Variants in SHQ1 observed in about 807,000 individuals in gnomAD.
SHQ1 encodes SHQ1, H/ACA ribonucleoprotein assembly factor, also known as protein SHQ1 homolog.
A neutral mutation model predicts 53.8 loss-of-function variants in SHQ1; 49 were observed. That is an observed-to-expected ratio of 0.91 (90% CI 0.72 to 1.16). The LOEUF is 1.16. Ranked by LOEUF, SHQ1 falls within the 50% of genes most tolerant of loss-of-function variation. The probability of loss-of-function intolerance (pLI) is 0.00; values close to 1 mark genes in which losing one functional copy is unlikely to be tolerated. For synonymous variants in SHQ1, 243 were observed against 251.0 expected, an observed-to-expected ratio of 0.97 and a Z score of 0.30; for missense variants, 738 against 683.1, an observed-to-expected ratio of 1.08 and a Z score of -0.90.
intron 10 of SHQ1, among the ~76,000 whole-genome samples, chr3:72,776,397 G>C (rs1433791023): frequency 6.6e-6 from 1 of 152,130 alleles, no homozygotes; most frequent in African/African-American, 2.4e-5. Context: ...GTACAGGTTT[G>C]TAGCCTAGAA....
intron 4 of SHQ1, among the ~76,000 whole-genome samples, chr3:72,836,185 T>C (rs904679458): frequency 6.6e-6 from 1 of 152,214 alleles, no homozygotes; most frequent in Non-Finnish European, 1.5e-5. Flanking sequence ...GAAGGAGAAC[T>C]GACCAATAAG....
At chr3:72,767,171 A>G (rs1214442524) in intron 10 of SHQ1, among the ~76,000 whole-genome samples, 1 of 152,144 alleles carries the variant, frequency 6.6e-6, no homozygotes, top group African/African-American at 2.4e-5. Flanking sequence ...TTGCTTTCAT[A>G]TGTACGAACC....
In SHQ1 at chr3:72,799,676, T is replaced by A. The variant is rs28465321; in HGVS notation, c.1061-6640A>T. On this transcript the variant is annotated intron_variant, in intron 9 of 10. Transcript: ENST00000325599. ...ATTAAGAAACACACCCTTGAAGCAA[T>A]GAATTACTATTTTGAGCACAAACTT... 3.9e-5 allele frequency among the ~76,000 whole-genome samples: 6 copies of A among 152,204 alleles called. No homozygotes were observed. The East Asian group carries it at 1.2e-3, about 29-fold the overall frequency.
chr3:72,847,282 G>C (rs114817407), intron 1 of SHQ1, among the ~76,000 whole-genome samples: 2 of 152,286 alleles, frequency 1.3e-5, no homozygotes, highest in African/African-American at 4.8e-5. Context: ...GGTGGAGAAG[G>C]TTTGTACCAC....
Position 72,812,687 on chromosome 3 carries a change from T to C in SHQ1, c.1044A>G (p.Ile348Met), listed in dbSNP as rs142487191. 15 of 1,613,984 alleles carry C rather than the reference T, an allele frequency of 9.3e-6. No homozygotes were observed. The highest frequency in any genetic ancestry group is 1.3e-5 in the Non-Finnish European group (15 of 1,180,002). ...KLVMKAYRDTIKILQLGKSAV... is the reference protein window; with the variant it reads ...KLVMKAYRDTMKILQLGKSAV... ...ATATCTTACCCAGTTGCAATATCTTTATAGTGTCCCTGTAGGCCTTCATCA... is the reference window on the plus strand; with the variant it reads ...ATATCTTACCCAGTTGCAATATCTTCATAGTGTCCCTGTAGGCCTTCATCA... Residue 348 changes from isoleucine (I) to methionine (M), a missense_variant, in exon 9 of 11, where the codon ATA becomes ATG. Physicochemically the swap from Ile to Met is conservative, Grantham distance 10. Coordinates refer to ENST00000325599, the MANE Select transcript of SHQ1 (RefSeq NM_018130.3).
downstream of SHQ1, among the ~76,000 whole-genome samples, chr3:72,748,974 C>T (rs1446503282): frequency 2.4e-5 from 2 of 84,752 alleles, no homozygotes; most frequent in Non-Finnish European, 5.7e-5. Flanking sequence ...CGCACACGCA[C>T]ACACACACAC....
intron 10 of SHQ1, among the ~76,000 whole-genome samples, chr3:72,765,257 C>T (rs887781755): frequency 2.0e-5 from 3 of 151,964 alleles, no homozygotes; most frequent in South Asian, 2.1e-4. Context: ...CCTGAAGTTA[C>T]GGTCCACATG....
chr3:72,786,951 T>A (rs1266779460), intron 10 of SHQ1, among the ~76,000 whole-genome samples: 1 of 152,232 alleles, frequency 6.6e-6, no homozygotes, highest in African/African-American at 2.4e-5. Flanking sequence ...TCTACCCTGT[T>A]CTTAGCATAA....
chr3:72,733,213 G>C, the SHQ1 span, among the ~76,000 whole-genome samples: 1 of 151,564 alleles, frequency 6.6e-6, no homozygotes, highest in African/African-American at 2.4e-5. Context: ...AGCTCCCAGG[G>C]CACTGTTGAC....
At chr3:72,753,871 C>T (rs1336972043) in intron 10 of SHQ1, among the ~76,000 whole-genome samples, 1 of 152,084 alleles carries the variant, frequency 6.6e-6, no homozygotes, top group Non-Finnish European at 1.5e-5. Flanking sequence ...CCTTGACTAC[C>T]AGTGGTAAAG....
chr3:72,786,015 C>T (rs2106772286), intron 10 of SHQ1, among the ~76,000 whole-genome samples: 1 of 152,330 alleles, frequency 6.6e-6, no homozygotes, highest in South Asian at 2.1e-4. Context: ...ACTATTTAAT[C>T]TTGGCATATG....
At chr3:72,815,791 T>C (rs990752761) in intron 7 of SHQ1, among the ~76,000 whole-genome samples, 1 of 150,912 alleles carries the variant, frequency 6.6e-6, no homozygotes, top group African/African-American at 2.4e-5. Flanking sequence ...TGTTGAAGTA[T>C]TACCTGTGGC....
chr3:72,831,394 GGAGA>G (rs1190225564), intron 5 of SHQ1, among the ~76,000 whole-genome samples: 2 of 152,192 alleles, frequency 1.3e-5, no homozygotes, highest in Admixed American at 6.5e-5. Context: ...AATGACAAAT[GGAGA>G]GACTCTTTTC....
intron 4 of SHQ1, among the ~76,000 whole-genome samples, chr3:72,839,007 C>T (rs1708080324): frequency 6.6e-6 from 1 of 151,448 alleles, no homozygotes; most frequent in Non-Finnish European, 1.5e-5. Context: ...ACAAGAATTT[C>T]TGACCTAAAA....
At chr3:72,833,504 A>G (rs1326098378) in intron 4 of SHQ1, among the ~76,000 whole-genome samples, 167 of 20,602 alleles carry the variant, frequency 8.1e-3, no homozygotes, top group East Asian at 0.029. Context: ...ATAGATAGAC[A>G]GACAGACAGA....
chr3:72,734,326 G>A, the SHQ1 span, among the ~76,000 whole-genome samples: 4 of 150,880 alleles, frequency 2.7e-5, no homozygotes, highest in East Asian at 1.9e-4. Flanking sequence ...ATGTGATCTC[G>A]ACTCACTACA....
chr3:72,826,423 A>G (rs1165930942), intron 5 of SHQ1, among the ~76,000 whole-genome samples: 1 of 152,248 alleles, frequency 6.6e-6, no homozygotes, highest in Admixed American at 6.5e-5. Flanking sequence ...ATAAACAATA[A>G]CAATAAATGG....
At chr3:72,748,329 CAAAAAAAAAA>C (rs572927520), downstream of SHQ1, among the ~76,000 whole-genome samples, 130 of 58,738 alleles carry the variant, frequency 2.2e-3, 1 homozygote, top group South Asian at 7.2e-3. Flanking sequence ...ATGAGGCATG[CAAAAAAAAAA>C]AAAAAAAAAA....
intron 10 of SHQ1, among the ~76,000 whole-genome samples, chr3:72,755,301 T>TGG (rs1276639311): frequency 1.1e-4 from 17 of 152,158 alleles, no homozygotes; most frequent in African/African-American, 3.9e-4. Flanking sequence ...GATGGATGGA[T>TGG]AGATGGATGG....
Sources: gnomAD v4.1 joint callset for allele counts (sites outside exome capture counted in the v4.1 genomes callset) on GRCh38, gnomAD v4.1.1 for gene constraint, MANE v1.5 for transcripts, NCBI Gene and HGNC (gene_info 2026-07-23, HGNC 2026-07-21) for gene names.